Variants in TLN2 observed in about 807,000 individuals in gnomAD.
The protein encoded by TLN2 is talin-2.
Under a neutral mutation model 294.7 loss-of-function variants are expected in TLN2, and 118 were observed. That is an observed-to-expected ratio of 0.40 (90% CI 0.34 to 0.47). The LOEUF (loss-of-function observed/expected upper bound fraction) is 0.47, where lower values mean the gene tolerates loss of function less well. Among genes scored for constraint, TLN2 ranks in the 20% least tolerant of loss-of-function variants. The pLI is 0.84. For missense variants in TLN2, 3,083 were observed against 3,282.2 expected, an observed-to-expected ratio of 0.94 and a Z score of 1.48; for synonymous variants, 1,431 against 1,304.5, an observed-to-expected ratio of 1.10 and a Z score of -2.09.
In TLN2 at chr15:62,473,842, C is replaced by T. The variant is rs574637342; in HGVS notation, c.-238+83157C>T. On this transcript the variant is annotated intron_variant, in intron 1 of 58. Coordinates refer to ENST00000636159, the MANE Select transcript of TLN2 (RefSeq NM_015059.3). ...GGCATGGTGGCTCACGCCTGTAATC[C>T]CAGCACTTTGGGAGGCCGAGGCAGG... Among the ~76,000 whole-genome samples, 7 of 152,278 alleles carry T rather than the reference C, an allele frequency of 4.6e-5. No individual in the cohort carries two copies. The South Asian group carries it at 1.2e-3, about 27-fold the overall frequency.
intron 1 of TLN2, among the ~76,000 whole-genome samples, chr15:62,452,799 C>A (rs575043352): frequency 6.6e-6 from 1 of 152,332 alleles, no homozygotes; most frequent in Admixed American, 6.5e-5. Flanking sequence ...CCTCCTGCTC[C>A]CTTCTGCCTG....
chr15:62,830,178 T>G (rs1317694742), intron 54 of TLN2: 1 of 152,184 alleles, frequency 6.6e-6, no homozygotes. Context: ...AAGCGAGGAT[T>G]CCGTTATCCC....
At chr15:62,734,637 A>G (rs2060907889) in intron 28 of TLN2, among the ~76,000 whole-genome samples, 1 of 152,242 alleles carries the variant, frequency 6.6e-6, no homozygotes, top group Non-Finnish European at 1.5e-5. Context: ...CTCCTCTGCC[A>G]TAAAAAGCAC....
chr15:62,525,201 T>A (rs140954530), intron 1 of TLN2, among the ~76,000 whole-genome samples: 9 of 152,332 alleles, frequency 5.9e-5, no homozygotes, highest in Non-Finnish European at 1.2e-4. Flanking sequence ...GTCTCTCACA[T>A]GTGTTTAATC....
chr15:62,655,582 G>GGAGTGCTT (rs2053116818), intron 7 of TLN2, among the ~76,000 whole-genome samples: 1 of 11,798 alleles, frequency 8.5e-5, no homozygotes, highest in African/African-American at 9.3e-5. Context: ...TACATTCATT[G>GGAGTGCTT]TAGCACATGT....
At chr15:62,669,678 T>A (rs1012083091) in intron 9 of TLN2, among the ~76,000 whole-genome samples, 1 of 152,188 alleles carries the variant, frequency 6.6e-6, no homozygotes, top group Non-Finnish European at 1.5e-5. Flanking sequence ...GGCTGACAGA[T>A]TGCACTTGTA....
chr15:62,578,771 G>C lies in TLN2; in HGVS notation c.-237-10916G>C, dbSNP rs112951350. 2.5e-3 allele frequency among the ~76,000 whole-genome samples: 384 copies of C among 152,310 alleles called. 2 individuals carry two copies. Among genetic ancestry groups the C allele is most frequent in the African/African-American group, 8.8e-3 (364 of 41,558 alleles). ...TCGTGTGTCCCTCGCATCAGCTCGT[G>C]AGGGAGGCCCTGGCATCGGCCTTTT... is the stretch of plus-strand genomic sequence containing the variant. On this transcript the variant is annotated intron_variant, in intron 1 of 58. Coordinates refer to ENST00000636159, the MANE Select transcript of TLN2 (RefSeq NM_015059.3).
Position 62,702,149 on chromosome 15 carries a change from C to T in TLN2, c.1854C>T (p.Leu618=), listed in dbSNP as rs151111630. The part of the protein sequence containing the change: ...GEDLLRAART[L]AGAVSDLLKA... ...ACTTGCTCAGAGCTGCCAGGACCCT[C>T]GCTGGGGCGGTGTCAGACTTGCTGA... Residue 618 remains leucine, a synonymous_variant, in exon 18 of 59, where the codon CTC becomes CTT. Transcript: ENST00000636159. The T allele has an allele frequency of 5.1e-5, 82 of 1,612,874 alleles. No individual in the cohort carries two copies. The African/African-American group carries it at 7.6e-4, about 15-fold the overall frequency.
At chr15:62,472,079 T>G (rs934582664) in intron 1 of TLN2, among the ~76,000 whole-genome samples, 6 of 152,154 alleles carry the variant, frequency 3.9e-5, no homozygotes, top group African/African-American at 1.4e-4. Flanking sequence ...TTCCCCTGAT[T>G]CAGCTCCTGT....
chr15:62,538,276 A>G (rs1159448324), intron 1 of TLN2, among the ~76,000 whole-genome samples: 1 of 152,064 alleles, frequency 6.6e-6, no homozygotes, highest in Non-Finnish European at 1.5e-5. Context: ...TTACCAATCT[A>G]ATATCCTCTC....
chr15:62,419,485 A>G (rs1290256630), intron 1 of TLN2, among the ~76,000 whole-genome samples: 4 of 152,214 alleles, frequency 2.6e-5, no homozygotes, highest in South Asian at 2.1e-4. Flanking sequence ...AGCTGCCACT[A>G]CAAATAGGAA....
intron 2 of TLN2, among the ~76,000 whole-genome samples, chr15:62,596,940 G>A (rs549668449): frequency 4.6e-5 from 7 of 152,014 alleles, no homozygotes; most frequent in East Asian, 1.9e-4. Context: ...GCTTCCACAC[G>A]TAAAAACATG....
At chr15:62,544,335 C>G (rs2041869442) in intron 1 of TLN2, among the ~76,000 whole-genome samples, 1 of 152,118 alleles carries the variant, frequency 6.6e-6, no homozygotes, top group South Asian at 2.1e-4. Context: ...TCTGGGTTCG[C>G]CAACACTCGT....
chr15:62,588,434 G>A (rs1380266420), intron 1 of TLN2, among the ~76,000 whole-genome samples: 2 of 151,060 alleles, frequency 1.3e-5, no homozygotes, highest in Non-Finnish European at 3.0e-5. Context: ...TCAGGAGTTC[G>A]AGACCAGCCT....
At chr15:62,398,702 C>T (rs2140231933) in intron 1 of TLN2, among the ~76,000 whole-genome samples, 1 of 152,268 alleles carries the variant, frequency 6.6e-6, no homozygotes, top group South Asian at 2.1e-4. Flanking sequence ...TGGCTTTTTG[C>T]CCATGCCCTA....
intron 50 of TLN2, among the ~76,000 whole-genome samples, chr15:62,804,356 A>G (rs571171216): frequency 3.6e-4 from 55 of 152,258 alleles, no homozygotes; most frequent in Admixed American, 6.5e-4. Context: ...CCAGCACTTT[A>G]GGAGGCTGAG....
intron 21 of TLN2, among the ~76,000 whole-genome samples, chr15:62,709,691 C>T (rs11629517): frequency 0.16 from 24,872 of 152,048 alleles, 2,283 homozygotes; most frequent in Admixed American, 0.25. Flanking sequence ...AAATTCATAA[C>T]CTTTTCATTT....
In TLN2 at chr15:62,471,092, C is replaced by T. The variant is rs191126553; in HGVS notation, c.-238+80407C>T. ...GGCATGTGTGGCTTACACCTGTAAT[C>T]CCAGCACTTTGGGAGGCTGAAGCAG... On this transcript the variant is annotated intron_variant, in intron 1 of 58. Coordinates refer to ENST00000636159, the MANE Select transcript of TLN2 (RefSeq NM_015059.3). 1.8e-3 allele frequency among the ~76,000 whole-genome samples: 275 copies of T among 152,302 alleles called. 1 individual carries two copies. Among genetic ancestry groups the T allele is most frequent in the Non-Finnish European group, 3.2e-3 (215 of 68,028 alleles).
intron 27 of TLN2, among the ~76,000 whole-genome samples, chr15:62,725,576 T>A (rs369600631): frequency 2.6e-5 from 4 of 152,232 alleles, no homozygotes; most frequent in Non-Finnish European, 5.9e-5. Context: ...TTTTGTTGGC[T>A]AAAACTTTAC....
Sources: allele counts gnomAD v4.1 joint callset (sites outside exome capture counted in the v4.1 genomes callset), GRCh38; gene constraint gnomAD v4.1.1; transcripts MANE v1.5; gene names NCBI Gene and HGNC (gene_info 2026-07-23, HGNC 2026-07-21).